The following CPSF4 variants were observed in gnomAD, a reference collection of about 807,000 sequenced individuals.
The protein encoded by CPSF4 is cleavage and polyadenylation specific factor 4, also known as cleavage and polyadenylation specificity factor subunit 4.
In CPSF4, 11 loss-of-function variants were observed where a neutral mutation model predicts 37.7. The ratio of observed to expected loss-of-function variants is 0.29; its 90% CI spans 0.18 to 0.48. The LOEUF (loss-of-function observed/expected upper bound fraction) is 0.48. Ranked by LOEUF, CPSF4 falls within the 20% of genes least tolerant of loss-of-function variation. The pLI, the probability that CPSF4 is intolerant of heterozygous loss-of-function variation, is 0.99. For missense variants in CPSF4, 144 were observed against 359.5 expected (o/e 0.40, Z 4.85); for synonymous variants, 132 against 135.9 (o/e 0.97, Z 0.20).
chr7:99,440,924 C>CT (rs1796922384), intron 1 of CPSF4, among the ~76,000 whole-genome samples: 1 of 149,794 alleles, frequency 6.7e-6, no homozygotes, highest in Non-Finnish European at 1.5e-5. Context: ...GTGATCATCC[C>CT]TGCACATGTG....
chr7:99,454,699 G>C (rs1159745516), intron 7 of CPSF4, among the ~76,000 whole-genome samples: 1 of 152,144 alleles, frequency 6.6e-6, no homozygotes, highest in East Asian at 1.9e-4. Flanking sequence ...CCTTATGTGA[G>C]TCTAGGCCTG....
At chr7:99,447,548 AT>A (rs1022980716) in intron 2 of CPSF4, among the ~76,000 whole-genome samples, 5 of 144,810 alleles carry the variant, frequency 3.5e-5, no homozygotes, top group African/African-American at 1.0e-4. Context: ...CCCCCTTTTA[AT>A]TCCTCCATCT....
chr7:99,454,723 G>T (rs1034567174), intron 7 of CPSF4, among the ~76,000 whole-genome samples: 2 of 152,156 alleles, frequency 1.3e-5, no homozygotes, highest in Non-Finnish European at 2.9e-5. Context: ...TCATGTCCTT[G>T]GTTAAGGCTG....
At chr7:99,440,676 T>TATATATATATATATA (rs1562852973) in intron 1 of CPSF4, among the ~76,000 whole-genome samples, 2 of 62,180 alleles carry the variant, frequency 3.2e-5, no homozygotes, top group African/African-American at 3.0e-4. Context: ...ATATATATAT[T>TATATATATATATATA]TTTTTTTTTT....
chr7:99,454,736 A>G (rs960167730), intron 7 of CPSF4, among the ~76,000 whole-genome samples: 1 of 152,140 alleles, frequency 6.6e-6, no homozygotes, highest in African/African-American at 2.4e-5. Flanking sequence ...TAAGGCTGGA[A>G]AGTTACAAAC....
At chr7:99,450,462 C>A in intron 4 of CPSF4, 91 bp downstream of exon 4, 1 of 891,808 alleles carries the variant, frequency 1.1e-6, no homozygotes, top group Non-Finnish European at 1.8e-6. Flanking sequence ...GTCTACCTGT[C>A]CCAGCAAAAC....
At chr7:99,440,474 A>G (rs1269094182) in intron 1 of CPSF4, among the ~76,000 whole-genome samples, 2 of 151,460 alleles carry the variant, frequency 1.3e-5, no homozygotes, top group Non-Finnish European at 2.9e-5. Flanking sequence ...TCAGTCTCCC[A>G]AGTAGCTGGG....
chr7:99,440,674 A>ATATATTTT lies in CPSF4; in HGVS notation c.103+1490_103+1491insATATTTTT. Among the ~76,000 whole-genome samples, 207 of 88,072 alleles carry ATATATTTT rather than the reference A, an allele frequency of 2.4e-3. 9 individuals carry two copies. Among genetic ancestry groups the ATATATTTT allele is most frequent in the African/African-American group, 0.018 (182 of 10,300 alleles). 57.8% of individuals were successfully genotyped at this position (88,072 alleles called of 152,430 possible). A position where few individuals can be genotyped will look rare whatever the true frequency, so the allele number is the denominator to read the frequency against. On this transcript the variant is annotated intron_variant, in intron 1 of 7. Transcript: ENST00000292476. ...ACCTGGCATATATATATATATATAT[A>ATATATTTT]TTTTTTTTTTTTTTTTTTTCCTGCC...
At chr7:99,445,404 CTCTA>C (rs1797403548) in intron 2 of CPSF4, among the ~76,000 whole-genome samples, 2 of 150,430 alleles carry the variant, frequency 1.3e-5, no homozygotes, top group South Asian at 4.2e-4. Flanking sequence ...CAGAGCAAGA[CTCTA>C]TCTCAAAAAA....
At chr7:99,447,712 C>T (rs553645914) in intron 2 of CPSF4, 70 of 402,134 alleles carry the variant, frequency 1.7e-4, no homozygotes, top group South Asian at 1.2e-3. Flanking sequence ...GCCTCAGCCT[C>T]CCGAGTAGCT....
rs1270971211 is a variant in CPSF4, at chr7:99,440,668, ATATATAT to A, written c.103+1485_103+1491del. On this transcript the variant is annotated intron_variant, in intron 1 of 7. Transcript: ENST00000292476. Reference sequence around the variant, plus strand: ...CACTGCACCTGGCATATATATATATATATATATTTTTTTTTTTTTTTTTTTCCTGCCT... The same window carrying A: ...CACTGCACCTGGCATATATATATATATTTTTTTTTTTTTTTTTTCCTGCCT... Among the ~76,000 whole-genome samples, 35 of 84,798 alleles carry A rather than the reference ATATATAT, an allele frequency of 4.1e-4. 1 individual carries two copies. Among genetic ancestry groups the A allele is most frequent in the African/African-American group, 3.6e-3 (34 of 9,550 alleles). The allele number at this position is 84,798 out of a possible 152,430, so 55.6% of individuals were successfully genotyped here. A position where few individuals can be genotyped will look rare whatever the true frequency, so the allele number is the denominator to read the frequency against.
Position 99,448,419 on chromosome 7 carries a change from C to G in CPSF4, c.307+146C>G. 1.2e-6 allele frequency: 1 copy of G among 820,990 alleles called. No homozygotes were observed. Among genetic ancestry groups the G allele is most frequent in the Admixed American group, 3.2e-5 (1 of 30,994 alleles). The allele number at this position is 820,990 out of a possible 1,614,324, so 50.9% of individuals were successfully genotyped here. Reference sequence around the variant, plus strand: ...CTCTGGCAGAACCTGCCAGCCTCAGCCAGCTTTTAGGGGACAGTGTGGCTA... The same window carrying G: ...CTCTGGCAGAACCTGCCAGCCTCAGGCAGCTTTTAGGGGACAGTGTGGCTA... On this transcript the variant is annotated intron_variant, in intron 3 of 7. Transcript: ENST00000292476. This position sits in a 1 kb window ranked among gnomAD's most constrained non-coding sequence, Gnocchi z 4.4.
rs1345618672 is a variant in CPSF4, at chr7:99,456,803, G to A, written c.*303G>A. On this transcript the variant is annotated 3_prime_UTR_variant, in exon 8 of 8. Coordinates refer to ENST00000292476, the MANE Select transcript of CPSF4 (RefSeq NM_006693.4). Reference sequence around the variant, plus strand: ...CAGGGAGGGAGGCAGCTGCTGGGGAGGGGCTTGGCTAGGTAGTTCTGTGTG... The same window carrying A: ...CAGGGAGGGAGGCAGCTGCTGGGGAAGGGCTTGGCTAGGTAGTTCTGTGTG... 4 of 481,418 alleles carry A rather than the reference G, an allele frequency of 8.3e-6. No individual in the cohort carries two copies. Among genetic ancestry groups the A allele is most frequent in the East Asian group, 4.2e-5 (1 of 23,952 alleles). 29.8% of individuals were successfully genotyped at this position (481,418 alleles called of 1,614,324 possible). A position where few individuals can be genotyped will look rare whatever the true frequency, so the allele number is the denominator to read the frequency against.
intron 1 of CPSF4, among the ~76,000 whole-genome samples, chr7:99,442,478 A>T (rs563199153): frequency 6.6e-6 from 1 of 152,022 alleles, no homozygotes; most frequent in East Asian, 1.9e-4. Flanking sequence ...AACACGGTGA[A>T]ACCCCGTCTC....
chr7:99,444,737 C>T (rs750880958), intron 1 of CPSF4, 52 bp from the exon 2 acceptor site: 12 of 1,549,066 alleles, frequency 7.7e-6, no homozygotes, highest in Non-Finnish European at 9.8e-6. Flanking sequence ...CAGACATTGT[C>T]AATAGCAAAT....
At chr7:99,446,688 A>G (rs1467231040) in intron 2 of CPSF4, among the ~76,000 whole-genome samples, 1 of 146,882 alleles carries the variant, frequency 6.8e-6, no homozygotes. Flanking sequence ...GCTGACTGCA[A>G]GCTTGACCTC....
rs971173960 is a variant in CPSF4, at chr7:99,457,354, G to T, written c.*854G>T. The T allele has an allele frequency of 1.3e-5, 2 of 152,768 alleles. No individual in the cohort carries two copies. Among genetic ancestry groups the T allele is most frequent in the Non-Finnish European group, 2.9e-5 (2 of 68,126 alleles). 9.5% of individuals were successfully genotyped at this position (152,768 alleles called of 1,614,324 possible). ...TTGCAAGAACAATTTTTATGAAATG[G>T]ATTAAAGCTTGTTTTTTAAGCCATG... On this transcript the variant is annotated 3_prime_UTR_variant, in exon 8 of 8. Coordinates refer to ENST00000292476, the MANE Select transcript of CPSF4 (RefSeq NM_006693.4).
Position 99,448,487 on chromosome 7 carries a change from A to G in CPSF4, c.307+214A>G. ...TTTTTTTTTTTTTTTTTTTAAAGAC[A>G]TAGGGTCTCGCTATGTTTCACATAC... is the stretch of plus-strand genomic sequence containing the variant. On this transcript the variant is annotated intron_variant, in intron 3 of 7. Coordinates refer to ENST00000292476, the MANE Select transcript of CPSF4 (RefSeq NM_006693.4). The surrounding 1 kb of genome is among the most constrained non-coding windows in gnomAD (Gnocchi z 4.4). 2 of 505,194 alleles carry G rather than the reference A, an allele frequency of 4.0e-6. No individual in the cohort carries two copies. Among genetic ancestry groups the G allele is most frequent in the Non-Finnish European group, 6.9e-6 (2 of 290,698 alleles). The allele number at this position is 505,194 out of a possible 1,614,324, so 31.3% of individuals were successfully genotyped here. A position where few individuals can be genotyped will look rare whatever the true frequency, so the allele number is the denominator to read the frequency against.
In CPSF4 at chr7:99,439,151, G is replaced by T. The variant is rs777658218; in HGVS notation, c.69G>T (p.Leu23=). The change falls in exon 1 of 8, where the codon CTG becomes CTT. Residue 23 remains leucine (L), a synonymous_variant. Transcript: ENST00000292476. ...FDLEIAVEQQ[L]GAQPLPFPGM... is the part of the protein sequence containing the mutation. ...TGGAGATCGCGGTGGAGCAGCAGCTGGGGGCGCAGCCGCTGCCCTTCCCCG... is the reference window on the plus strand; with the variant it reads ...TGGAGATCGCGGTGGAGCAGCAGCTTGGGGCGCAGCCGCTGCCCTTCCCCG... The T allele has an allele frequency of 7.5e-6, 12 of 1,608,836 alleles. No homozygotes were observed. The highest frequency in any genetic ancestry group is 6.7e-5 in the Admixed American group (4 of 59,740).
Sources: allele counts gnomAD v4.1 joint callset (sites outside exome capture counted in the v4.1 genomes callset), GRCh38; gene constraint gnomAD v4.1.1; non-coding constraint Gnocchi (gnomAD v3.1); transcripts MANE v1.5; gene names NCBI Gene and HGNC (gene_info 2026-07-23, HGNC 2026-07-21).